The following ACBD6 variants were observed in gnomAD, a reference collection of about 807,000 sequenced individuals.
The protein encoded by ACBD6 is acyl-CoA-binding domain-containing protein 6.
A neutral mutation model predicts 37.2 loss-of-function variants in ACBD6; 28 were observed. That is an observed-to-expected ratio of 0.75 (90% confidence interval 0.56 to 1.03). ACBD6 has a LOEUF of 1.03. Among genes scored for constraint, ACBD6 ranks in the 50% least tolerant of loss-of-function variants. The pLI, the probability that ACBD6 is intolerant of heterozygous loss-of-function variation, is 0.00. For missense variants in ACBD6, 340 were observed against 337.4 expected, an observed-to-expected ratio of 1.01 and a Z score of -0.06; for synonymous variants, 113 against 126.8, an observed-to-expected ratio of 0.89 and a Z score of 0.73.
At chr1:180,493,580 C>T (rs973909985) in intron 2 of ACBD6, among the ~76,000 whole-genome samples, 1 of 152,182 alleles carries the variant, frequency 6.6e-6, no homozygotes, top group East Asian at 1.9e-4. Flanking sequence ...TTTATTTTCA[C>T]TGAATTCCTT....
chr1:180,386,154 A>G (rs1192455379), intron 6 of ACBD6, among the ~76,000 whole-genome samples: 1 of 152,230 alleles, frequency 6.6e-6, no homozygotes. Flanking sequence ...TGGGCGACAG[A>G]GCTAGACACT....
intron 3 of ACBD6, among the ~76,000 whole-genome samples, chr1:180,459,127 GGTTC>G (rs1650028484): frequency 6.6e-6 from 1 of 152,030 alleles, no homozygotes; most frequent in Non-Finnish European, 1.5e-5. Context: ...GAAAATGATA[GGTTC>G]ATTAGACAAT....
chr1:180,325,390 T>G (rs919054274), intron 6 of ACBD6, among the ~76,000 whole-genome samples: 1 of 152,242 alleles, frequency 6.6e-6, no homozygotes, highest in Non-Finnish European at 1.5e-5. Context: ...CAATTCCATT[T>G]TTCAACTCTA....
rs1002202714 is a variant in ACBD6 at position 180,395,167 on chromosome 1, A to G, written c.663+2349T>C. On this transcript the variant is annotated intron_variant, in intron 6 of 7. Coordinates refer to ENST00000367595, the MANE Select transcript of ACBD6 (RefSeq NM_032360.4). Reference sequence around the variant, plus strand: ...GTACTAGTTAACTAAATTATGATACATTCTCCTGGGAACTGGTTGGATGAT... The same window carrying G: ...GTACTAGTTAACTAAATTATGATACGTTCTCCTGGGAACTGGTTGGATGAT... 5.7e-4 allele frequency among the ~76,000 whole-genome samples: 86 copies of G among 152,210 alleles called. 2 individuals carry two copies. The highest frequency in any genetic ancestry group is 3.9e-4 in the Admixed American group (6 of 15,276).
intron 7 of ACBD6, among the ~76,000 whole-genome samples, chr1:180,299,366 C>A (rs1650042199): frequency 6.6e-6 from 1 of 152,088 alleles, no homozygotes; most frequent in Non-Finnish European, 1.5e-5. Context: ...CAAAAACAGT[C>A]ATAAGCCCAT....
chr1:180,380,614 TA>T (rs35481382), intron 6 of ACBD6, among the ~76,000 whole-genome samples: 6 of 149,376 alleles, frequency 4.0e-5, no homozygotes, highest in African/African-American at 1.2e-4. Context: ...TTTTAAAAGT[TA>T]AAAAAAAAAT....
chr1:180,432,353 T>C (rs1467397259), intron 3 of ACBD6, among the ~76,000 whole-genome samples: 1 of 152,042 alleles, frequency 6.6e-6, no homozygotes, highest in Non-Finnish European at 1.5e-5. Flanking sequence ...AAAACACTTA[T>C]CTAATAAAAG....
chr1:180,376,237 A>C (rs1653426030), intron 6 of ACBD6, among the ~76,000 whole-genome samples: 2 of 152,222 alleles, frequency 1.3e-5, no homozygotes, highest in African/African-American at 2.4e-5. Flanking sequence ...TGGGAATATA[A>C]ATTAGTAAAC....
intron 6 of ACBD6, among the ~76,000 whole-genome samples, chr1:180,363,269 C>T (rs770314883): frequency 6.6e-6 from 1 of 151,926 alleles, no homozygotes; most frequent in African/African-American, 2.4e-5. Flanking sequence ...ATTTTTAAAA[C>T]GATTGTGAGG....
At chr1:180,399,262 T>TTTTA (rs946927567) in intron 5 of ACBD6, among the ~76,000 whole-genome samples, 12 of 152,078 alleles carry the variant, frequency 7.9e-5, no homozygotes, top group Admixed American at 2.6e-4. Context: ...AGGAGTTATT[T>TTTTA]TTTATTTATT....
intron 3 of ACBD6, among the ~76,000 whole-genome samples, chr1:180,476,406 A>T (rs570638496): frequency 1.2e-3 from 176 of 151,788 alleles, no homozygotes; most frequent in African/African-American, 2.9e-3. Context: ...TTTTTTTTTT[A>T]AAAAAAGAAT....
chr1:180,277,438 A>C (rs1649101176), intron 9 of ACBD6: 1 of 152,232 alleles, frequency 6.6e-6, no homozygotes, highest in African/African-American at 2.4e-5. Context: ...CATTATCTGC[A>C]GTGCCTGGCT....
chr1:180,451,523 T>C (rs746999141), intron 3 of ACBD6, among the ~76,000 whole-genome samples: 6 of 152,108 alleles, frequency 3.9e-5, no homozygotes, highest in Non-Finnish European at 8.8e-5. Flanking sequence ...GGCATATCCA[T>C]ACAATAGAAT....
intron 9 of ACBD6, among the ~76,000 whole-genome samples, chr1:180,279,632 T>C (rs1202443903): frequency 1.3e-5 from 2 of 152,302 alleles, no homozygotes; most frequent in East Asian, 1.9e-4. Flanking sequence ...TTCACACTCA[T>C]ACATTTTTCT....
intron 3 of ACBD6, among the ~76,000 whole-genome samples, chr1:180,434,392 T>C (rs981123508): frequency 1.5e-4 from 23 of 152,332 alleles, no homozygotes; most frequent in African/African-American, 5.5e-4. Flanking sequence ...AGGGAAATTT[T>C]ACATTATGTA....
chr1:180,334,133 T>A (rs1043744696), intron 6 of ACBD6, among the ~76,000 whole-genome samples: 1 of 152,188 alleles, frequency 6.6e-6, no homozygotes, highest in African/African-American at 2.4e-5. Context: ...TCTGCAGACT[T>A]AAATGTCCCT....
At chr1:180,271,992 A>G in intron 13 of ACBD6, 1 of 1,612,538 alleles carries the variant, frequency 6.2e-7, no homozygotes, top group Non-Finnish European at 8.5e-7. Context: ...AGTGACAGTG[A>G]GCTGAGCTTC....
At chr1:180,452,745 C>A (rs1367702603) in intron 3 of ACBD6, among the ~76,000 whole-genome samples, 1 of 152,098 alleles carries the variant, frequency 6.6e-6, no homozygotes, top group Non-Finnish European at 1.5e-5. Context: ...ACCACTGATC[C>A]TACAGAAATA....
intron 3 of ACBD6, among the ~76,000 whole-genome samples, chr1:180,467,646 T>C (rs1650404397): frequency 6.6e-6 from 1 of 151,850 alleles, no homozygotes; most frequent in Admixed American, 6.6e-5. Context: ...AGACCCTGTC[T>C]CTAAAAAAAA....
Sources: allele counts gnomAD v4.1 joint callset (sites outside exome capture counted in the v4.1 genomes callset), GRCh38; gene constraint gnomAD v4.1.1; transcripts MANE v1.5; gene names NCBI Gene and HGNC (gene_info 2026-07-23, HGNC 2026-07-21).